The following ENTPD1 variants were observed in gnomAD, a reference collection of about 807,000 sequenced individuals.
ENTPD1 encodes the protein ectonucleoside triphosphate diphosphohydrolase 1.
ENTPD1 carries 33 observed loss-of-function variants against 57.0 expected under a neutral mutation model. The ratio of observed to expected loss-of-function variants is 0.58; its 90% CI spans 0.44 to 0.77. The LOEUF (loss-of-function observed/expected upper bound fraction) is 0.77, where lower values mean the gene tolerates loss of function less well. Ranked by LOEUF, ENTPD1 falls within the 30% of genes least tolerant of loss-of-function variation. The pLI is 0.00. For synonymous variants in ENTPD1, 202 were observed against 218.8 expected (o/e 0.92, Z 0.68); for missense variants, 501 against 603.4 (o/e 0.83, Z 1.78).
At position 95,868,217 on chromosome 10, in the gene ENTPD1, T is replaced by A; in HGVS notation, c.*1834T>A. ...AATGGCTGAGCCAAAGCCTACCATG[T>A]ACCTAACCTTTATTTTCTTTCCCGA... is the stretch of plus-strand genomic sequence containing the variant. On this transcript the variant is annotated 3_prime_UTR_variant, in exon 10 of 10. Coordinates refer to ENST00000371205, the MANE Select transcript of ENTPD1 (RefSeq NM_001776.6). The A allele has an allele frequency of 1.0e-6, 1 of 985,498 alleles. No individual in the cohort carries two copies. Among genetic ancestry groups the A allele is most frequent in the Non-Finnish European group, 1.2e-6 (1 of 829,940 alleles). The allele number at this position is 985,498 out of a possible 1,614,324, so 61.0% of individuals were successfully genotyped here. A position where few individuals can be genotyped will look rare whatever the true frequency, so the allele number is the denominator to read the frequency against.
intron 1 of ENTPD1, among the ~76,000 whole-genome samples, chr10:95,724,756 C>A (rs111721349): frequency 6.6e-6 from 1 of 152,100 alleles, no homozygotes; most frequent in Non-Finnish European, 1.5e-5. Flanking sequence ...GGATGGCAAG[C>A]GAAAGCTCAG....
At chr10:95,718,057 C>G (rs1178827234) in intron 1 of ENTPD1, among the ~76,000 whole-genome samples, 2 of 152,116 alleles carry the variant, frequency 1.3e-5, no homozygotes, top group African/African-American at 4.8e-5. Context: ...AGAAAAACTC[C>G]TATATGATGG....
intron 1 of ENTPD1, among the ~76,000 whole-genome samples, chr10:95,770,256 A>AGTGTGTGAGTGT (rs1555282691): frequency 5.2e-5 from 7 of 135,008 alleles, no homozygotes; most frequent in African/African-American, 1.9e-4. Flanking sequence ...TGAGTGAGTG[A>AGTGTGTGAGTGT]GTGTGTGTGT....
At chr10:95,729,099 T>C (rs2097986691) in intron 1 of ENTPD1, among the ~76,000 whole-genome samples, 2 of 152,042 alleles carry the variant, frequency 1.3e-5, no homozygotes, top group South Asian at 4.1e-4. Flanking sequence ...TTTTAAAATA[T>C]ATATATATTT....
intron 1 of ENTPD1, among the ~76,000 whole-genome samples, chr10:95,727,890 C>G (rs1209425061): frequency 6.6e-6 from 1 of 152,192 alleles, no homozygotes; most frequent in Non-Finnish European, 1.5e-5. Context: ...TGTGGAGTGA[C>G]AGTTGTACAA....
the ENTPD1 span, among the ~76,000 whole-genome samples, chr10:95,702,424 C>A: frequency 4.6e-5 from 7 of 151,640 alleles, no homozygotes; most frequent in African/African-American, 1.7e-4. Context: ...AACTGAAAAA[C>A]TAGATTATTT....
intron 1 of ENTPD1, among the ~76,000 whole-genome samples, chr10:95,733,136 G>T (rs2097991106): frequency 1.3e-5 from 2 of 152,094 alleles, no homozygotes; most frequent in South Asian, 4.1e-4. Context: ...TTCCCAGAGC[G>T]GCCAGTTTAG....
In ENTPD1 at chr10:95,874,270, C is replaced by T. The variant is rs2141036320; in HGVS notation, c.*7887C>T. Reference sequence around the variant, plus strand: ...GGGGGGTACAGGTATTGGGTAAATACAGCTGTTCCAAATGAGAGAAATTGG... The same window carrying T: ...GGGGGGTACAGGTATTGGGTAAATATAGCTGTTCCAAATGAGAGAAATTGG... On this transcript the variant is annotated 3_prime_UTR_variant, in exon 10 of 10. Transcript: ENST00000371205. Among the ~76,000 whole-genome samples the T allele has an allele frequency of 6.6e-6, 1 of 152,258 alleles. No individual in the cohort carries two copies. Among genetic ancestry groups the T allele is most frequent in the Non-Finnish European group, 1.5e-5 (1 of 68,018 alleles).
chr10:95,847,810 T>C, intron 7 of ENTPD1, 104 bp downstream of exon 7: 1 of 1,531,626 alleles, frequency 6.5e-7, no homozygotes, highest in Non-Finnish European at 8.9e-7. Flanking sequence ...TCTTACATAA[T>C]GTCTTGAGGT....
At chr10:95,768,516 CTT>C (rs1491254974) in intron 1 of ENTPD1, among the ~76,000 whole-genome samples, 4 of 148,734 alleles carry the variant, frequency 2.7e-5, no homozygotes, top group South Asian at 2.1e-4. Context: ...TTCTCTCTCT[CTT>C]TCTTTCTCCT....
At chr10:95,842,543 G>A in intron 4 of ENTPD1, 49 bp downstream of exon 4, 4 of 1,592,494 alleles carry the variant, frequency 2.5e-6, no homozygotes, top group Admixed American at 1.8e-5. Context: ...AGGCTTGGCA[G>A]TGAAAGAGCC....
At chr10:95,775,588 C>A (rs1289091370) in intron 1 of ENTPD1, among the ~76,000 whole-genome samples, 3 of 152,018 alleles carry the variant, frequency 2.0e-5, no homozygotes, top group Non-Finnish European at 4.4e-5. Flanking sequence ...TTGAGATAAT[C>A]ATGTGGTTTT....
intron 1 of ENTPD1, among the ~76,000 whole-genome samples, chr10:95,728,946 T>C (rs2097986502): frequency 6.6e-6 from 1 of 152,196 alleles, no homozygotes; most frequent in Non-Finnish European, 1.5e-5. Context: ...ATATATTTTA[T>C]GTTAGTAAAC....
intron 1 of ENTPD1, among the ~76,000 whole-genome samples, chr10:95,779,227 TC>T (rs1447569080): frequency 6.6e-6 from 1 of 152,238 alleles, no homozygotes; most frequent in Non-Finnish European, 1.5e-5. Flanking sequence ...CTCTCCCATT[TC>T]TACATCTCCT....
At chr10:95,726,161 G>C (rs1212737432) in intron 1 of ENTPD1, among the ~76,000 whole-genome samples, 1 of 152,086 alleles carries the variant, frequency 6.6e-6, no homozygotes, top group Non-Finnish European at 1.5e-5. Flanking sequence ...CTCAATTTCT[G>C]GTGCACTGAA....
chr10:95,804,175 T>C (rs1053981319), intron 1 of ENTPD1, among the ~76,000 whole-genome samples: 2 of 152,208 alleles, frequency 1.3e-5, no homozygotes, highest in African/African-American at 4.8e-5. Context: ...AGGATTGTCT[T>C]GGCAATGTGG....
At chr10:95,863,242 CATCTCCCAGCCCCCCACA>C (rs2140992096) in intron 8 of ENTPD1, among the ~76,000 whole-genome samples, 1 of 152,308 alleles carries the variant, frequency 6.6e-6, no homozygotes, top group Non-Finnish European at 1.5e-5. Context: ...GCCAAAATGG[CATCTCCCAGCCCCCCACA>C]AGGGATAGGC....
intron 1 of ENTPD1, among the ~76,000 whole-genome samples, chr10:95,804,944 T>C (rs1438662702): frequency 6.6e-6 from 1 of 152,120 alleles, no homozygotes; most frequent in Non-Finnish European, 1.5e-5. Flanking sequence ...AATCGTGTGG[T>C]TTTTGTCTTT....
chr10:95,771,444 A>G (rs1286055165), intron 1 of ENTPD1, among the ~76,000 whole-genome samples: 2 of 152,194 alleles, frequency 1.3e-5, no homozygotes, highest in East Asian at 1.9e-4. Flanking sequence ...TGATAGAAAC[A>G]TTGAAGTCCT....
Sources: gnomAD v4.1 joint callset for allele counts (sites outside exome capture counted in the v4.1 genomes callset) on GRCh38, gnomAD v4.1.1 for gene constraint, MANE v1.5 for transcripts, NCBI Gene and HGNC (gene_info 2026-07-23, HGNC 2026-07-21) for gene names.